Variants in OPCML observed in about 807,000 individuals in gnomAD.
OPCML encodes opioid binding protein/cell adhesion molecule like, also known as opioid-binding protein/cell adhesion molecule.
A neutral mutation model predicts 37.8 loss-of-function variants in OPCML; 13 were observed. The observed-to-expected ratio is 0.34, with a 90% CI of 0.22 to 0.55. OPCML has a LOEUF of 0.55. Ranked by LOEUF, OPCML falls within the 20% of genes least tolerant of loss-of-function variation. The pLI is 0.91. For missense variants in OPCML, 341 were observed against 435.6 expected, an observed-to-expected ratio of 0.78 and a Z score of 1.93; for synonymous variants, 176 against 168.8, an observed-to-expected ratio of 1.04 and a Z score of -0.33.
At chr11:133,001,206 T>C (rs1946995438) in intron 1 of OPCML, among the ~76,000 whole-genome samples, 1 of 152,160 alleles carries the variant, frequency 6.6e-6, no homozygotes, top group Non-Finnish European at 1.5e-5. Context: ...TAATAATAAC[T>C]AATTAGTATG....
At position 133,484,142 on chromosome 11, in the gene OPCML, A is replaced by AGATG. The variant is rs534460087; in HGVS notation, c.61+48118_61+48121dup. Among the ~76,000 whole-genome samples, 424 of 144,170 alleles carry AGATG rather than the reference A, an allele frequency of 2.9e-3. 2 individuals carry two copies. Among genetic ancestry groups the AGATG allele is most frequent in the African/African-American group, 0.011 (393 of 36,498 alleles). 94.6% of individuals were successfully genotyped at this position (144,170 alleles called of 152,430 possible). A position where few individuals can be genotyped will look rare whatever the true frequency, so the allele number is the denominator to read the frequency against. ...GATAGATGATTGATAGATAGATGAT[A>AGATG]GATGGATAGATAGATAGATAGGTAG... On this transcript the variant is annotated intron_variant, in intron 1 of 7. Coordinates refer to ENST00000524381, the MANE Select transcript of OPCML (RefSeq NM_001012393.5).
rs180703120 is a variant in OPCML at position 132,670,820 on chromosome 11, C to G, written c.147-13501G>C. Among the ~76,000 whole-genome samples the G allele has an allele frequency of 4.3e-4, 66 of 152,216 alleles. 1 individual carries two copies. The highest frequency in any genetic ancestry group is 1.5e-3 in the African/African-American group (64 of 41,538). On this transcript the variant is annotated intron_variant, in intron 2 of 7. Coordinates refer to ENST00000524381, the MANE Select transcript of OPCML (RefSeq NM_001012393.5). ...ATTATATTTACATAATTACTTACTA[C>G]TAAAGAGTAATGATACCCCTCATGT... is the stretch of plus-strand genomic sequence containing the variant.
At chr11:132,769,670 G>A (rs1264329552) in intron 2 of OPCML, among the ~76,000 whole-genome samples, 1 of 152,114 alleles carries the variant, frequency 6.6e-6, no homozygotes, top group East Asian at 1.9e-4. Flanking sequence ...GTAAAGGCGG[G>A]GTGGAAAGAA....
At chr11:133,393,169 T>G (rs1945210019) in intron 1 of OPCML, among the ~76,000 whole-genome samples, 1 of 152,136 alleles carries the variant, frequency 6.6e-6, no homozygotes, top group Non-Finnish European at 1.5e-5. Context: ...AAAACATGTG[T>G]GTTAGAGAAG....
chr11:132,996,415 G>A (rs182848524), intron 1 of OPCML, among the ~76,000 whole-genome samples: 11 of 150,194 alleles, frequency 7.3e-5, no homozygotes, highest in East Asian at 3.9e-4. Context: ...TCAGGAGTTC[G>A]AGACCAGCCT....
Position 132,718,557 on chromosome 11 carries a change from C to G in OPCML, c.147-61238G>C, listed in dbSNP as rs142164061. Among the ~76,000 whole-genome samples, 8 of 152,240 alleles carry G rather than the reference C, an allele frequency of 5.3e-5. No individual in the cohort carries two copies. The South Asian group carries it at 6.2e-4, about 12-fold the overall frequency. ...GGTGGGGTGAGTTCCCTAGGTCAGCCTGTTTCTTCTGTGTCCCTGCACAGC... is the reference window on the plus strand; with the variant it reads ...GGTGGGGTGAGTTCCCTAGGTCAGCGTGTTTCTTCTGTGTCCCTGCACAGC... On this transcript the variant is annotated intron_variant, in intron 2 of 7. Transcript: ENST00000524381.
chr11:132,627,073 T>C (rs1451244938), intron 3 of OPCML, among the ~76,000 whole-genome samples: 1 of 151,988 alleles, frequency 6.6e-6, no homozygotes, highest in South Asian at 2.1e-4. Context: ...CTATTGCAAT[T>C]AGGAGAGTAT....
chr11:132,958,661 A>G (rs1458937615), intron 1 of OPCML, among the ~76,000 whole-genome samples: 1 of 152,236 alleles, frequency 6.6e-6, no homozygotes, highest in East Asian at 1.9e-4. Context: ...ATACTCATTT[A>G]TCATTCTGAA....
chr11:133,024,906 A>G, intron 1 of OPCML: 1 of 985,380 alleles, frequency 1.0e-6, no homozygotes, highest in Non-Finnish European at 1.2e-6. Context: ...AAGATTATCT[A>G]CAGCATACAA....
chr11:133,400,775 T>C (rs908488706), intron 1 of OPCML, among the ~76,000 whole-genome samples: 7 of 152,216 alleles, frequency 4.6e-5, no homozygotes, highest in Admixed American at 6.5e-5. Flanking sequence ...TGGATCATGA[T>C]ACAGCCTAGC....
At chr11:133,420,266 C>G in intron 1 of OPCML, 1 of 985,352 alleles carries the variant, frequency 1.0e-6, no homozygotes, top group Non-Finnish European at 1.2e-6. Context: ...ATCACAGATC[C>G]AAAGATACTC....
intron 3 of OPCML, among the ~76,000 whole-genome samples, chr11:132,553,151 A>T (rs765593379): frequency 5.3e-5 from 8 of 152,174 alleles, no homozygotes; most frequent in South Asian, 2.1e-4. Flanking sequence ...TCTTTACCCA[A>T]ATGACAGCCC....
At chr11:133,443,257 A>G (rs943824844) in intron 1 of OPCML, among the ~76,000 whole-genome samples, 1 of 152,198 alleles carries the variant, frequency 6.6e-6, no homozygotes, top group African/African-American at 2.4e-5. Context: ...TTTTATAGGA[A>G]AGCTTCACAG....
intron 1 of OPCML, among the ~76,000 whole-genome samples, chr11:133,305,524 TC>T (rs1942894181): frequency 6.6e-6 from 1 of 152,212 alleles, no homozygotes; most frequent in Non-Finnish European, 1.5e-5. Flanking sequence ...TTTAATTAAA[TC>T]AATAGCTTTA....
chr11:132,874,394 TTCCCTCCCTCCC>T lies in OPCML; in HGVS notation c.146+68520_146+68531del, dbSNP rs769347911. Among the ~76,000 whole-genome samples, 22 of 146,900 alleles carry T rather than the reference TTCCCTCCCTCCC, an allele frequency of 1.5e-4. No individual in the cohort carries two copies. The East Asian group carries it at 3.0e-3, about 20-fold the overall frequency. On this transcript the variant is annotated intron_variant, in intron 2 of 7. Transcript: ENST00000524381. Reference sequence around the variant, plus strand: ...GTAACTAGGGAACAATCTTTTATCTTTCCCTCCCTCCCTCCCTCCCTCCCTCCCTTCCTTCCT... The same window carrying T: ...GTAACTAGGGAACAATCTTTTATCTTTCCCTCCCTCCCTCCCTTCCTTCCT...
intron 1 of OPCML, among the ~76,000 whole-genome samples, chr11:133,077,162 G>A (rs1948633649): frequency 6.6e-6 from 1 of 151,972 alleles, no homozygotes; most frequent in Non-Finnish European, 1.5e-5. Context: ...ATGGCTCTGT[G>A]AGCTCATTTA....
intron 3 of OPCML, among the ~76,000 whole-genome samples, chr11:132,646,607 G>A (rs1387975152): frequency 1.3e-5 from 2 of 152,150 alleles, no homozygotes; most frequent in African/African-American, 4.8e-5. Context: ...AGTGGTTGTG[G>A]GAACGGAAAG....
chr11:132,476,997 A>T (rs1257869138), intron 4 of OPCML, among the ~76,000 whole-genome samples: 2 of 152,198 alleles, frequency 1.3e-5, no homozygotes, highest in Admixed American at 1.3e-4. Context: ...CTGAATTAAT[A>T]TGATTTTTGT....
chr11:133,034,108 A>C (rs942328543), intron 1 of OPCML, among the ~76,000 whole-genome samples: 2 of 152,180 alleles, frequency 1.3e-5, no homozygotes, highest in Non-Finnish European at 2.9e-5. Context: ...TTCAGTGGTG[A>C]TATTTTGAGA....
Sources: gnomAD v4.1 joint callset for allele counts (sites outside exome capture counted in the v4.1 genomes callset) on GRCh38, gnomAD v4.1.1 for gene constraint, MANE v1.5 for transcripts, NCBI Gene and HGNC (gene_info 2026-07-23, HGNC 2026-07-21) for gene names.